The following XPA variants were observed in gnomAD, a reference collection of about 807,000 sequenced individuals.
The protein encoded by XPA is DNA repair protein complementing XP-A cells.
Under a neutral mutation model 35.7 loss-of-function variants are expected in XPA, and 27 were observed. The observed-to-expected ratio is 0.76, with a 90% CI of 0.56 to 1.04. XPA has a LOEUF of 1.04. Ranked by LOEUF, XPA falls within the 50% of genes least tolerant of loss-of-function variation. XPA has a pLI of 0.00. For synonymous variants in XPA, 133 were observed against 118.4 expected, an observed-to-expected ratio of 1.12 and a Z score of -0.80; for missense variants, 354 against 342.7, an observed-to-expected ratio of 1.03 and a Z score of -0.26.
chr9:97,673,811 A>G (rs927335532), downstream of XPA: 1 of 152,208 alleles, frequency 6.6e-6, no homozygotes, highest in African/African-American at 2.4e-5. Context: ...GACCTTGCCA[A>G]CCTATGTAGA....
intron 1 of XPA, among the ~76,000 whole-genome samples, chr9:97,694,422 A>G (rs1828983381): frequency 6.6e-6 from 1 of 152,386 alleles, no homozygotes; most frequent in Non-Finnish European, 1.5e-5. Flanking sequence ...CTAAGTCAGT[A>G]AAAGACAACC....
At chr9:97,677,910 T>C (rs1313217537) in intron 5 of XPA, among the ~76,000 whole-genome samples, 1 of 151,982 alleles carries the variant, frequency 6.6e-6, no homozygotes, top group African/African-American at 2.4e-5. Context: ...TTTGATCAAG[T>C]CACTATATTA....
At chr9:97,685,401 T>C (rs1446080644) in intron 4 of XPA, among the ~76,000 whole-genome samples, 1 of 152,196 alleles carries the variant, frequency 6.6e-6, no homozygotes, top group African/African-American at 2.4e-5. Flanking sequence ...GACCTAAATA[T>C]GAGGTCATCT....
chr9:97,689,746 C>T (rs922656110), intron 2 of XPA, 107 bp from the exon 3 acceptor site: 6 of 582,442 alleles, frequency 1.0e-5, no homozygotes, highest in Admixed American at 1.0e-4. Flanking sequence ...GACATAAATA[C>T]ATTTAAGTAA....
At chr9:97,696,996 A>C in intron 1 of XPA, 125 bp downstream of exon 1, 1 of 1,270,454 alleles carries the variant, frequency 7.9e-7, no homozygotes, top group Non-Finnish European at 1.0e-6. Flanking sequence ...ACTCGGGGAG[A>C]ATCTGCACAC....
At chr9:97,661,281 A>G in the XPA span, among the ~76,000 whole-genome samples, 1 of 152,222 alleles carries the variant, frequency 6.6e-6, no homozygotes, top group Non-Finnish European at 1.5e-5. Flanking sequence ...TATAAACTTC[A>G]TCGTAAATAC....
At chr9:97,668,929 A>G in the XPA span, 3 of 1,613,766 alleles carry the variant, frequency 1.9e-6, no homozygotes, top group Non-Finnish European at 2.5e-6. Context: ...AAAAAGTGGA[A>G]TCTGCTCAGA....
In XPA at chr9:97,693,650, T is replaced by C. The variant is rs767342773; in HGVS notation, c.282A>G (p.Pro94=). ...EQKIGKVVHQ[P]GPVMEFDYVI... Reference sequence around the variant, plus strand: ...TTATTTTTGAAAAACTCACTTTACCTGGTTGATGAACAACTTTTCCAATTT... The same window carrying C: ...TTATTTTTGAAAAACTCACTTTACCCGGTTGATGAACAACTTTTCCAATTT... The change falls in exon 2 of 6, where the codon CCA becomes CCG. Residue 94 remains proline (P), a splice_region_variant and synonymous_variant. Transcript: ENST00000375128. 6.2e-6 allele frequency: 10 copies of C among 1,613,358 alleles called. No homozygotes were observed. The highest frequency in any genetic ancestry group is 8.5e-6 in the Non-Finnish European group (10 of 1,179,790).
chr9:97,658,815 A>AGT, the XPA span: 1 of 1,222,480 alleles, frequency 8.2e-7, no homozygotes, highest in Non-Finnish European at 1.2e-6. Context: ...AGTTGTTTAA[A>AGT]GTGGAGAAAT....
chr9:97,689,574 G>A lies in XPA; in HGVS notation c.349C>T (p.Leu117Phe), dbSNP rs761039123. The change falls in exon 3 of 6, where the codon CTT (leucine) becomes TTT (phenylalanine). Residue 117 changes from leucine (L) to phenylalanine (F), a missense_variant. Transcript: ENST00000375128. ...GTTGGCAAATCAAAGTGGTTCATAA[G>A]ATAAGAATCCATAAATTCTTTCCCA... ...ECGKEFMDSY[L>F]MNHFDLPTCD... 3 of 1,613,040 alleles carry A rather than the reference G, an allele frequency of 1.9e-6. No homozygotes were observed. Among genetic ancestry groups the A allele is most frequent in the Non-Finnish European group, 2.5e-6 (3 of 1,179,284 alleles).
chr9:97,661,732 G>GT, the XPA span, among the ~76,000 whole-genome samples: 24,837 of 112,938 alleles, frequency 0.22, 2,950 homozygotes, highest in South Asian at 0.41. Flanking sequence ...AAGCTTAAGT[G>GT]TTTTTTTTTT....
intron 1 of XPA, 69 bp from the exon 2 acceptor site, chr9:97,693,828 A>G: frequency 2.1e-6 from 3 of 1,429,498 alleles, no homozygotes; most frequent in Non-Finnish European, 9.8e-7. Context: ...GTTCATAAAT[A>G]GAAAATTCCT....
chr9:97,661,029 C>T, the XPA span: 1 of 1,612,676 alleles, frequency 6.2e-7, no homozygotes, highest in Non-Finnish European at 8.5e-7. Context: ...CTTCAGCATT[C>T]TGAAAGATGT....
chr9:97,663,756 G>A, the XPA span, among the ~76,000 whole-genome samples: 1 of 151,794 alleles, frequency 6.6e-6, no homozygotes, highest in Non-Finnish European at 1.5e-5. Context: ...AAGTGTGCTA[G>A]ATTACAGGTG....
At chr9:97,671,110 A>G, downstream of XPA, 1 of 1,612,356 alleles carries the variant, frequency 6.2e-7, no homozygotes, top group Non-Finnish European at 8.5e-7. Context: ...CCAGCAGTAC[A>G]TGGTGACCCT....
At chr9:97,666,292 G>A in the XPA span, among the ~76,000 whole-genome samples, 5 of 152,282 alleles carry the variant, frequency 3.3e-5, no homozygotes, top group East Asian at 7.7e-4. Flanking sequence ...ATCAACTAAT[G>A]AGTTTCTTAA....
At chr9:97,675,864 G>T in intron 5 of XPA, 1 of 492,924 alleles carries the variant, frequency 2.0e-6, no homozygotes, top group Non-Finnish European at 3.7e-6. Flanking sequence ...ATGCAAAACA[G>T]AACCATATTC....
intron 5 of XPA, 160 bp from the exon 6 acceptor site, chr9:97,675,747 A>G (rs1828345142): frequency 2.2e-6 from 2 of 896,374 alleles, no homozygotes; most frequent in Non-Finnish European, 3.4e-6. Context: ...TGATTATACA[A>G]ACTTGGCAAA....
the XPA span, chr9:97,664,381 A>G: frequency 6.2e-7 from 1 of 1,613,144 alleles, no homozygotes; most frequent in Non-Finnish European, 8.5e-7. Context: ...GTACACAAAT[A>G]GTTGATTGTG....
Sources: gnomAD v4.1 joint callset for allele counts (sites outside exome capture counted in the v4.1 genomes callset) on GRCh38, gnomAD v4.1.1 for gene constraint, MANE v1.5 for transcripts, NCBI Gene and HGNC (gene_info 2026-07-23, HGNC 2026-07-21) for gene names.